PTPRD: variants seen among roughly 807,000 people sequenced by gnomAD.
PTPRD encodes the protein receptor-type tyrosine-protein phosphatase delta.
Under a neutral mutation model 214.5 loss-of-function variants are expected in PTPRD, and 34 were observed. That is an observed-to-expected ratio of 0.16 (90% confidence interval 0.12 to 0.21). The LOEUF (loss-of-function observed/expected upper bound fraction) is 0.21, where lower values mean the gene tolerates loss of function less well. Among genes scored for constraint, PTPRD ranks in the 10% least tolerant of loss-of-function variants. The pLI is 1.00. For synonymous variants in PTPRD, 1,128 were observed against 845.7 expected (o/e 1.33, Z -5.79); for missense variants, 2,545 against 2,398.7 (o/e 1.06, Z -1.27).
chr9:8,527,263 A>G, intron 16 of PTPRD, 82 bp downstream of exon 16: 1 of 1,436,330 alleles, frequency 7.0e-7, no homozygotes, highest in Non-Finnish European at 9.6e-7. Context: ...AATGCATGCC[A>G]TGCATTTTAT....
chr9:9,918,416 G>A, intron 5 of PTPRD, among the ~76,000 whole-genome samples: 1 of 130,184 alleles, frequency 7.7e-6, no homozygotes, highest in Non-Finnish European at 1.7e-5. Flanking sequence ...AATTGAAGAA[G>A]ATACAAATAA....
At chr9:9,057,106 A>T (rs2099697722) in intron 10 of PTPRD, among the ~76,000 whole-genome samples, 1 of 152,198 alleles carries the variant, frequency 6.6e-6, no homozygotes, top group Non-Finnish European at 1.5e-5. Context: ...CTATACAAAC[A>T]TATTAAATAG....
At chr9:9,117,441 A>G (rs1356455027) in intron 10 of PTPRD, among the ~76,000 whole-genome samples, 1 of 152,168 alleles carries the variant, frequency 6.6e-6, no homozygotes, top group African/African-American at 2.4e-5. Context: ...TGCACATGAA[A>G]TGGTGATACC....
At chr9:10,381,712 T>C (rs773812473) in intron 2 of PTPRD, among the ~76,000 whole-genome samples, 1 of 151,996 alleles carries the variant, frequency 6.6e-6, no homozygotes, top group Non-Finnish European at 1.5e-5. Context: ...CATACAAAGT[T>C]ATCTACAGAT....
chr9:10,386,956 T>G (rs2097924984), intron 2 of PTPRD, among the ~76,000 whole-genome samples: 1 of 151,712 alleles, frequency 6.6e-6, no homozygotes, highest in South Asian at 2.1e-4. Context: ...GGAGAGTCAG[T>G]GTCAGAGTAA....
intron 8 of PTPRD, among the ~76,000 whole-genome samples, chr9:9,476,778 C>A (rs2095076005): frequency 6.6e-6 from 1 of 151,826 alleles, no homozygotes; most frequent in Non-Finnish European, 1.5e-5. Context: ...TCTTGTTGCC[C>A]AGGCTGGAGG....
At position 10,031,647 on chromosome 9, in the gene PTPRD, T is replaced by TATATATATATATACACACACACAC; in HGVS notation, c.-472+2070_-472+2071insGTGTGTGTGTGTATATATATATAT. On this transcript the variant is annotated intron_variant, in intron 4 of 45. Coordinates refer to ENST00000381196, the MANE Select transcript of PTPRD (RefSeq NM_002839.4). ...CTCCATATATATATATATATATATA[T>TATATATATATATACACACACACAC]ACACACACACACACACACATACACA... Among the ~76,000 whole-genome samples, 381 of 89,486 alleles carry TATATATATATATACACACACACAC rather than the reference T, an allele frequency of 4.3e-3. 8 individuals carry two copies. The East Asian group carries it at 0.071, about 17-fold the overall frequency. 58.7% of individuals were successfully genotyped at this position (89,486 alleles called of 152,430 possible). A position where few individuals can be genotyped will look rare whatever the true frequency, so the allele number is the denominator to read the frequency against.
At chr9:10,280,724 CT>C (rs1413052980) in intron 3 of PTPRD, among the ~76,000 whole-genome samples, 2 of 152,118 alleles carry the variant, frequency 1.3e-5, no homozygotes, top group African/African-American at 4.8e-5. Context: ...GTTCCCCCAT[CT>C]CAGCCTCCTG....
chr9:9,935,602 C>T (rs974653963), intron 5 of PTPRD, among the ~76,000 whole-genome samples: 2 of 151,256 alleles, frequency 1.3e-5, no homozygotes, highest in Non-Finnish European at 2.9e-5. Context: ...GAAGAACATT[C>T]CATGCTCATG....
At chr9:9,709,692 G>A (rs2097690163) in intron 7 of PTPRD, among the ~76,000 whole-genome samples, 2 of 151,924 alleles carry the variant, frequency 1.3e-5, no homozygotes, top group Admixed American at 6.6e-5. Context: ...TTTATCAGAA[G>A]GAAAAATTTA....
At chr9:9,199,014 T>C (rs1482510174) in intron 9 of PTPRD, among the ~76,000 whole-genome samples, 1 of 152,254 alleles carries the variant, frequency 6.6e-6, no homozygotes, top group East Asian at 1.9e-4. Flanking sequence ...TGATTAAATA[T>C]TTATATAGTA....
At chr9:10,181,329 G>A (rs10511534) in intron 3 of PTPRD, among the ~76,000 whole-genome samples, 36,661 of 151,932 alleles carry the variant, frequency 0.24, 4,699 homozygotes, top group South Asian at 0.36. Context: ...TACGACTAGC[G>A]TATATGGAAT....
At chr9:10,602,196 C>T (rs764631118) in intron 2 of PTPRD, among the ~76,000 whole-genome samples, 2 of 151,774 alleles carry the variant, frequency 1.3e-5, no homozygotes, top group Non-Finnish European at 2.9e-5. Flanking sequence ...AAATGTATAC[C>T]TGAGACATAA....
chr9:10,194,365 G>T (rs1225300712), intron 3 of PTPRD, among the ~76,000 whole-genome samples: 2,226 of 24,766 alleles, frequency 0.09, 19 homozygotes, highest in Non-Finnish European at 0.15. Flanking sequence ...GAGAGAGAGA[G>T]AGAGAGAGAG....
chr9:9,427,877 C>G (rs1588131939), intron 8 of PTPRD, among the ~76,000 whole-genome samples: 1 of 152,158 alleles, frequency 6.6e-6, no homozygotes, highest in Admixed American at 6.6e-5. Context: ...GATTTTGTCA[C>G]CACCAGGCCT....
At chr9:10,559,007 T>C (rs747100053) in intron 2 of PTPRD, among the ~76,000 whole-genome samples, 75 of 152,232 alleles carry the variant, frequency 4.9e-4, no homozygotes, top group Non-Finnish European at 7.9e-4. Context: ...ATATATTTTG[T>C]TGGGGAGGTT....
intron 8 of PTPRD, among the ~76,000 whole-genome samples, chr9:9,492,607 T>C (rs1030755880): frequency 3.3e-5 from 5 of 152,054 alleles, no homozygotes; most frequent in African/African-American, 1.2e-4. Flanking sequence ...CATCATCTTT[T>C]CATAATAAAA....
intron 2 of PTPRD, among the ~76,000 whole-genome samples, chr9:10,524,965 C>T (rs1181061628): frequency 1.3e-5 from 2 of 150,866 alleles, no homozygotes; most frequent in Non-Finnish European, 3.0e-5. Flanking sequence ...TCTTGGTGGG[C>T]TCATAGTAGG....
chr9:9,412,894 A>C (rs933569267), intron 8 of PTPRD, among the ~76,000 whole-genome samples: 9 of 152,000 alleles, frequency 5.9e-5, no homozygotes, highest in African/African-American at 1.7e-4. Flanking sequence ...AGTGTCTTAA[A>C]ACAGATGAAT....
Sources: gnomAD v4.1 joint callset for allele counts (sites outside exome capture counted in the v4.1 genomes callset) on GRCh38, gnomAD v4.1.1 for gene constraint, MANE v1.5 for transcripts, NCBI Gene and HGNC (gene_info 2026-07-23, HGNC 2026-07-21) for gene names.